Variants in ZNF544 observed in about 807,000 individuals in gnomAD.
The protein encoded by ZNF544 is zinc finger protein AF020591.
ZNF544 carries 10 observed loss-of-function variants against 13.5 expected under a neutral mutation model. The observed-to-expected ratio is 0.74, with a 90% CI of 0.46 to 1.25. The LOEUF is 1.25. Among genes scored for constraint, ZNF544 ranks in the 50% most tolerant of loss-of-function variants. The probability of loss-of-function intolerance (pLI) is 0.00; values close to 1 mark genes in which losing one functional copy is unlikely to be tolerated. For synonymous variants in ZNF544, 323 were observed against 300.5 expected (o/e 1.07, Z -0.77); for missense variants, 896 against 845.6 (o/e 1.06, Z -0.74).
intron 6 of ZNF544, 27 bp downstream of exon 6, chr19:58,246,821 C>G (rs1283133195): frequency 6.2e-7 from 1 of 1,607,218 alleles, no homozygotes; most frequent in Non-Finnish European, 8.5e-7. Flanking sequence ...TGGTGAGCAG[C>G]TCAACGTTTA....
intron 3 of ZNF544, among the ~76,000 whole-genome samples, chr19:58,236,127 T>C (rs112121304): frequency 0.084 from 12,728 of 151,750 alleles, 626 homozygotes; most frequent in East Asian, 0.21. Context: ...CCCAGCACTT[T>C]GGGAGGCCAA....
At chr19:58,258,355 A>G (rs1420100491) in intron 6 of ZNF544, 1 of 154,124 alleles carries the variant, frequency 6.5e-6, no homozygotes, top group Admixed American at 6.5e-5. Context: ...TGGGATGAGG[A>G]CAGTGCAAGT....
At chr19:58,236,271 G>A (rs751140807) in intron 3 of ZNF544, among the ~76,000 whole-genome samples, 8 of 150,268 alleles carry the variant, frequency 5.3e-5, no homozygotes, top group African/African-American at 2.0e-4. Context: ...AGGCCGAGGC[G>A]GGCAGATCAC....
At chr19:58,241,144 A>AATATATATATATATTTTAATATATATAT (rs1555755485) in intron 3 of ZNF544, among the ~76,000 whole-genome samples, 1 of 73,744 alleles carries the variant, frequency 1.4e-5, no homozygotes, top group African/African-American at 5.5e-5. Flanking sequence ...GCCAATTTAA[A>AATATATATATATATTTTAATATATATAT]ATATATATAT....
intron 3 of ZNF544, among the ~76,000 whole-genome samples, chr19:58,237,548 G>A (rs912781381): frequency 2.0e-5 from 3 of 152,240 alleles, no homozygotes; most frequent in Non-Finnish European, 4.4e-5. Flanking sequence ...ACGGGCTGAC[G>A]GAGCCAGACC....
At chr19:58,276,712 C>T (rs1434915371) in intron 6 of ZNF544, among the ~76,000 whole-genome samples, 1 of 152,170 alleles carries the variant, frequency 6.6e-6, no homozygotes, top group African/African-American at 2.4e-5. Flanking sequence ...AGGTGATCCA[C>T]CCACCTCAGC....
At chr19:58,239,144 T>G (rs968875623) in intron 3 of ZNF544, among the ~76,000 whole-genome samples, 1 of 152,224 alleles carries the variant, frequency 6.6e-6, no homozygotes, top group African/African-American at 2.4e-5. Context: ...GGCCTCAGGC[T>G]TAAGAGTCCT....
At chr19:58,241,566 A>G (rs4801572) in intron 3 of ZNF544, among the ~76,000 whole-genome samples, 11,341 of 147,550 alleles carry the variant, frequency 0.077, 892 homozygotes, top group African/African-American at 0.2. Context: ...GTGCGATCTC[A>G]GCTCACTGCA....
intron 6 of ZNF544, chr19:58,277,059 C>A: frequency 1.9e-6 from 1 of 519,220 alleles, no homozygotes. Flanking sequence ...GATTATGTGG[C>A]ATTTAGCCTA....
At chr19:58,242,430 CA>C (rs1165172620) in intron 3 of ZNF544, 2 of 243,682 alleles carry the variant, frequency 8.2e-6, no homozygotes, top group Non-Finnish European at 1.3e-5. Flanking sequence ...AGAAAAATGC[CA>C]GCGTTCAAAC....
At chr19:58,245,236 G>A (rs568050281) in intron 4 of ZNF544, among the ~76,000 whole-genome samples, 25 of 147,996 alleles carry the variant, frequency 1.7e-4, no homozygotes, top group South Asian at 6.3e-4. Context: ...CACCGCGCCC[G>A]ACCCCCTGTC....
At chr19:58,274,557 T>G (rs1600441241) in intron 5 of ZNF544, among the ~76,000 whole-genome samples, 2 of 152,190 alleles carry the variant, frequency 1.3e-5, no homozygotes, top group Admixed American at 1.3e-4. Flanking sequence ...CTCAGACTTC[T>G]GGCTTCCACA....
At chr19:58,249,377 T>C (rs983011980) in intron 6 of ZNF544, among the ~76,000 whole-genome samples, 2 of 152,164 alleles carry the variant, frequency 1.3e-5, no homozygotes, top group African/African-American at 4.8e-5. Flanking sequence ...GGATAGCTTC[T>C]TGATGGCCAG....
chr19:58,269,445 CA>C (rs745819568), intron 5 of ZNF544, among the ~76,000 whole-genome samples: 2 of 82,622 alleles, frequency 2.4e-5, no homozygotes, highest in East Asian at 3.8e-4. Flanking sequence ...CAAAAAAAAA[CA>C]AACAAAAAAA....
downstream of ZNF544, among the ~76,000 whole-genome samples, chr19:58,266,281 G>A (rs1466311883): frequency 1.3e-5 from 2 of 148,530 alleles, no homozygotes; most frequent in Non-Finnish European, 3.0e-5. Context: ...CACTTTGGGA[G>A]GCCAAGGAGG....
intron 3 of ZNF544, among the ~76,000 whole-genome samples, chr19:58,231,175 G>C (rs926492303): frequency 4.0e-5 from 6 of 150,322 alleles, no homozygotes; most frequent in Non-Finnish European, 7.4e-5. Flanking sequence ...GGCCAAGGAT[G>C]TTAAGAAAAA....
intron 3 of ZNF544, among the ~76,000 whole-genome samples, chr19:58,243,157 A>T (rs992709828): frequency 3.9e-5 from 6 of 152,112 alleles, no homozygotes; most frequent in African/African-American, 1.4e-4. Context: ...CTCTTCATGA[A>T]CTAGAAAGCA....
chr19:58,260,813 G>A, intron 6 of ZNF544, 38 bp from the exon 7 acceptor site: 1 of 1,486,844 alleles, frequency 6.7e-7, no homozygotes. Context: ...CCCCTCTGAT[G>A]CTTCTCCAGT....
chr19:58,262,155 G>A lies in ZNF544; in HGVS notation c.1549G>A (p.Glu517Lys). The A allele has an allele frequency of 1.9e-6, 3 of 1,613,700 alleles. No individual in the cohort carries two copies. In the South Asian group the frequency reaches 3.3e-5, roughly 18 times the overall value. Residue 517 changes from glutamate (E) to lysine (K), a missense_variant, in exon 7 of 7, where the codon GAG becomes AAG. Physicochemically the swap from Glu to Lys is moderately conservative, Grantham distance 56 (BLOSUM62 1). Transcript: ENST00000687789. ...TGTACATCAGAGGACACACACTGGA[G>A]AGAAGCCCTATGAGTGCAACCTGTG... is the stretch of plus-strand genomic sequence containing the variant. ...LVVHQRTHTGEKPYECNLCGK... is the reference protein window; with the variant it reads ...LVVHQRTHTGKKPYECNLCGK...
Sources: gnomAD v4.1 joint callset for allele counts (sites outside exome capture counted in the v4.1 genomes callset) on GRCh38, gnomAD v4.1.1 for gene constraint, MANE v1.5 for transcripts, NCBI Gene and HGNC (gene_info 2026-07-23, HGNC 2026-07-21) for gene names.